The following OCA2 variants were observed in gnomAD, a reference collection of about 807,000 sequenced individuals.
OCA2 encodes the protein P protein.
Under a neutral mutation model 100.2 loss-of-function variants are expected in OCA2, and 77 were observed. That is an observed-to-expected ratio of 0.77 (90% CI 0.64 to 0.93). The LOEUF (loss-of-function observed/expected upper bound fraction) is 0.93. Among genes scored for constraint, OCA2 ranks in the 40% least tolerant of loss-of-function variants. The probability of loss-of-function intolerance (pLI) is 0.00; values close to 1 mark genes in which losing one functional copy is unlikely to be tolerated. For missense variants in OCA2, 1,062 were observed against 1,089.1 expected, an observed-to-expected ratio of 0.98 and a Z score of 0.35; for synonymous variants, 432 against 439.2, an observed-to-expected ratio of 0.98 and a Z score of 0.21.
chr15:28,072,803 A>C (rs1230998559), intron 2 of OCA2, among the ~76,000 whole-genome samples: 2 of 152,134 alleles, frequency 1.3e-5, no homozygotes, highest in Non-Finnish European at 2.9e-5. Context: ...AAAACAACAG[A>C]TGCTGGTGAG....
chr15:28,000,272 AT>A (rs1210767432), intron 9 of OCA2, among the ~76,000 whole-genome samples: 2 of 152,190 alleles, frequency 1.3e-5, no homozygotes, highest in Non-Finnish European at 2.9e-5. Flanking sequence ...ATATAGACCA[AT>A]AGAACAGAAG....
intron 14 of OCA2, among the ~76,000 whole-genome samples, chr15:27,968,853 G>T (rs1456353619): frequency 6.6e-6 from 1 of 152,060 alleles, no homozygotes; most frequent in Non-Finnish European, 1.5e-5. Context: ...CCACTTTCCC[G>T]ATAGTTCTTC....
At chr15:27,723,312 T>G in the OCA2 span, among the ~76,000 whole-genome samples, 2 of 151,900 alleles carry the variant, frequency 1.3e-5, no homozygotes, top group African/African-American at 4.8e-5. Context: ...GGAGTGCAAT[T>G]AATATTTATT....
intron 23 of OCA2, among the ~76,000 whole-genome samples, chr15:27,809,673 A>G (rs920861957): frequency 6.6e-6 from 1 of 152,244 alleles, no homozygotes; most frequent in Non-Finnish European, 1.5e-5. Context: ...ATAAAGTCTC[A>G]GGTTACAAAG....
intron 2 of OCA2, among the ~76,000 whole-genome samples, chr15:28,054,112 G>T (rs76239476): frequency 7.9e-5 from 12 of 152,156 alleles, no homozygotes; most frequent in Non-Finnish European, 2.9e-5. Context: ...ATGTATATAG[G>T]TGCATGTGTA....
chr15:27,875,260 CTAAA>C (rs1045799619), intron 19 of OCA2, among the ~76,000 whole-genome samples: 2 of 152,108 alleles, frequency 1.3e-5, no homozygotes, highest in African/African-American at 4.8e-5. Flanking sequence ...GTTTTCTTTC[CTAAA>C]TAAATTGCTT....
intron 14 of OCA2, among the ~76,000 whole-genome samples, chr15:27,979,098 C>G (rs1350561884): frequency 1.3e-5 from 2 of 152,206 alleles, no homozygotes; most frequent in Non-Finnish European, 2.9e-5. Context: ...GCAAAAGCAT[C>G]TCAACTTTGA....
At chr15:27,908,247 C>T (rs77622975) in intron 19 of OCA2, among the ~76,000 whole-genome samples, 8,239 of 152,116 alleles carry the variant, frequency 0.054, 771 homozygotes, top group African/African-American at 0.19. Flanking sequence ...TAGTACCATA[C>T]ACTCTATTAA....
chr15:27,798,186 G>A (rs756674177), intron 23 of OCA2, among the ~76,000 whole-genome samples: 6 of 152,196 alleles, frequency 3.9e-5, no homozygotes, highest in Non-Finnish European at 5.9e-5. Flanking sequence ...GGTCAGAGGG[G>A]AGAGCTTGGA....
At chr15:28,051,534 C>T (rs752192876) in intron 2 of OCA2, among the ~76,000 whole-genome samples, 4 of 151,222 alleles carry the variant, frequency 2.6e-5, no homozygotes, top group South Asian at 2.1e-4. Context: ...TCAGGTGATC[C>T]GCCCGCCTCA....
At chr15:27,815,875 T>A (rs2034277646) in intron 23 of OCA2, among the ~76,000 whole-genome samples, 1 of 152,240 alleles carries the variant, frequency 6.6e-6, no homozygotes, top group Non-Finnish European at 1.5e-5. Context: ...CTCACGCCTA[T>A]AATCCCAGCA....
In OCA2 at chr15:27,970,243, G is replaced by A. The variant is rs563545869; in HGVS notation, c.1504-3421C>T. Among the ~76,000 whole-genome samples, 5 of 151,970 alleles carry A rather than the reference G, an allele frequency of 3.3e-5. No homozygotes were observed. The East Asian group carries it at 9.7e-4, about 29-fold the overall frequency. ...CTGAGAGGAGAAAAAGGTCAAAAAC[G>A]AAGACCCCTGAGCCCACAGATATTA... is the stretch of plus-strand genomic sequence containing the variant. On this transcript the variant is annotated intron_variant, in intron 14 of 23. Transcript: ENST00000354638.
intron 2 of OCA2, 115 bp from the exon 3 acceptor site, chr15:28,032,278 G>T: frequency 1.2e-6 from 1 of 864,770 alleles, no homozygotes; most frequent in Non-Finnish European, 1.9e-6. Context: ...AATCTTACAA[G>T]GAAATTTGCC....
intron 8 of OCA2, 63 bp from the exon 9 acceptor site, chr15:28,014,992 A>T: frequency 4.5e-6 from 7 of 1,543,172 alleles, no homozygotes; most frequent in Non-Finnish European, 6.2e-6. Flanking sequence ...CTCCCTCTGT[A>T]TCAGCCATGG....
At chr15:27,751,913 G>C (rs986234422), downstream of OCA2, among the ~76,000 whole-genome samples, 1 of 152,228 alleles carries the variant, frequency 6.6e-6, no homozygotes, top group Non-Finnish European at 1.5e-5. Flanking sequence ...TGGGCTGTGC[G>C]TCACAAGCCA....
chr15:27,958,921 C>G (rs1410093510), intron 15 of OCA2, among the ~76,000 whole-genome samples: 1 of 152,146 alleles, frequency 6.6e-6, no homozygotes, highest in East Asian at 1.9e-4. Flanking sequence ...ACCCGAAGAC[C>G]TGGGAAGCAG....
intron 19 of OCA2, among the ~76,000 whole-genome samples, chr15:27,892,278 C>T (rs2037493453): frequency 6.6e-6 from 1 of 151,318 alleles, no homozygotes; most frequent in Non-Finnish European, 1.5e-5. Context: ...TTCAAGTTCC[C>T]ATGAAAGATT....
chr15:28,008,095 A>C (rs182623329), intron 9 of OCA2, among the ~76,000 whole-genome samples: 1 of 152,220 alleles, frequency 6.6e-6, no homozygotes, highest in Non-Finnish European at 1.5e-5. Context: ...AGGCACTGGG[A>C]ATCAACACTG....
intron 23 of OCA2, among the ~76,000 whole-genome samples, chr15:27,835,519 C>G (rs1456142711): frequency 1.3e-5 from 2 of 152,236 alleles, no homozygotes; most frequent in Non-Finnish European, 2.9e-5. Context: ...GGAATAGTAC[C>G]AGCTGCCCTT....
Sources: gnomAD v4.1 joint callset for allele counts (sites outside exome capture counted in the v4.1 genomes callset) on GRCh38, gnomAD v4.1.1 for gene constraint, MANE v1.5 for transcripts, NCBI Gene and HGNC (gene_info 2026-07-23, HGNC 2026-07-21) for gene names.